The following CACNA2D3 variants were observed in gnomAD, a reference collection of about 807,000 sequenced individuals.
CACNA2D3 encodes the protein calcium voltage-gated channel auxiliary subunit alpha2delta 3.
A neutral mutation model predicts 160.6 loss-of-function variants in CACNA2D3; 60 were observed. The observed-to-expected ratio is 0.37, with a 90% CI of 0.30 to 0.46. The LOEUF is 0.46. Ranked by LOEUF, CACNA2D3 falls within the 20% of genes least tolerant of loss-of-function variation. The probability of loss-of-function intolerance (pLI) is 1.00; values close to 1 mark genes in which losing one functional copy is unlikely to be tolerated. For missense variants in CACNA2D3, 1,205 were observed against 1,365.0 expected, an observed-to-expected ratio of 0.88 and a Z score of 1.85; for synonymous variants, 558 against 492.9, an observed-to-expected ratio of 1.13 and a Z score of -1.75.
At chr3:54,947,131 C>G (rs147053094) in intron 27 of CACNA2D3, among the ~76,000 whole-genome samples, 39 of 152,314 alleles carry the variant, frequency 2.6e-4, no homozygotes, top group Admixed American at 6.5e-4. Flanking sequence ...GTTCCAGACA[C>G]TGTGCTTGAT....
At chr3:55,053,467 C>T (rs1471414902) in intron 35 of CACNA2D3, among the ~76,000 whole-genome samples, 1 of 151,966 alleles carries the variant, frequency 6.6e-6, no homozygotes, top group East Asian at 1.9e-4. Context: ...CCTTTAAATT[C>T]TAACAGCAAT....
At chr3:54,199,955 G>T (rs1265268798) in intron 2 of CACNA2D3, among the ~76,000 whole-genome samples, 1 of 152,218 alleles carries the variant, frequency 6.6e-6, no homozygotes, top group African/African-American at 2.4e-5. Context: ...TTGGAACACA[G>T]CCTCTCATTT....
At chr3:54,783,526 A>C (rs538795344) in intron 13 of CACNA2D3, among the ~76,000 whole-genome samples, 1 of 152,280 alleles carries the variant, frequency 6.6e-6, no homozygotes, top group South Asian at 2.1e-4. Context: ...GAATCACTTG[A>C]ACCCGGGAGG....
At chr3:54,549,305 A>G (rs1053273049) in intron 5 of CACNA2D3, among the ~76,000 whole-genome samples, 2 of 152,064 alleles carry the variant, frequency 1.3e-5, no homozygotes, top group Non-Finnish European at 2.9e-5. Context: ...AATTAGCCGA[A>G]TGTGGTGGCA....
At chr3:54,232,411 C>A (rs779015011) in intron 2 of CACNA2D3, among the ~76,000 whole-genome samples, 1 of 152,092 alleles carries the variant, frequency 6.6e-6, no homozygotes, top group Non-Finnish European at 1.5e-5. Flanking sequence ...CATGTCAATA[C>A]CACTTATTGT....
intron 2 of CACNA2D3, among the ~76,000 whole-genome samples, chr3:54,177,045 G>T (rs1461554544): frequency 6.6e-6 from 1 of 152,218 alleles, no homozygotes; most frequent in African/African-American, 2.4e-5. Context: ...TATCAAATGT[G>T]TGTGAAATGT....
intron 11 of CACNA2D3, among the ~76,000 whole-genome samples, chr3:54,711,342 C>T (rs1044078367): frequency 3.3e-5 from 5 of 152,282 alleles, no homozygotes; most frequent in South Asian, 4.2e-4. Flanking sequence ...ATCTGTCACC[C>T]GGAGACAGAG....
rs148691444 is a variant in CACNA2D3, at chr3:54,376,955, C to T, written c.322-9760C>T. Among the ~76,000 whole-genome samples the T allele has an allele frequency of 9.2e-5, 14 of 152,266 alleles. No homozygotes were observed. The East Asian group carries it at 2.7e-3, about 29-fold the overall frequency. ...CTCTGCATCAAATTTATATAAAAAT[C>T]CATCTTGAGAAGGTAAAGTCTGAAA... On this transcript the variant is annotated intron_variant, in intron 3 of 37. Coordinates refer to ENST00000474759, the MANE Select transcript of CACNA2D3 (RefSeq NM_018398.3).
intron 11 of CACNA2D3, among the ~76,000 whole-genome samples, chr3:54,660,571 C>A (rs970926102): frequency 1.3e-5 from 2 of 152,214 alleles, no homozygotes; most frequent in Admixed American, 6.5e-5. Flanking sequence ...CTGGCCCTTA[C>A]ATTCTCTCTT....
At chr3:54,273,601 G>C (rs749938332) in intron 2 of CACNA2D3, among the ~76,000 whole-genome samples, 1 of 152,184 alleles carries the variant, frequency 6.6e-6, no homozygotes, top group Non-Finnish European at 1.5e-5. Context: ...TGTCTGAAGT[G>C]CAGGCAATTT....
At chr3:54,139,326 G>C (rs1052186852) in intron 2 of CACNA2D3, among the ~76,000 whole-genome samples, 2 of 152,258 alleles carry the variant, frequency 1.3e-5, no homozygotes, top group African/African-American at 4.8e-5. Flanking sequence ...ACGGGCTGCT[G>C]TCCCCACCTC....
At chr3:54,705,384 C>T (rs41381544) in intron 11 of CACNA2D3, among the ~76,000 whole-genome samples, 25,235 of 152,034 alleles carry the variant, frequency 0.17, 2,373 homozygotes, top group Non-Finnish European at 0.21. Flanking sequence ...TTCTAGATTC[C>T]TCACTTGTTG....
chr3:54,293,396 T>C (rs1345397904), intron 2 of CACNA2D3, among the ~76,000 whole-genome samples: 1 of 152,110 alleles, frequency 6.6e-6, no homozygotes, highest in East Asian at 1.9e-4. Flanking sequence ...TATATCATTC[T>C]TATGCCTTTA....
intron 11 of CACNA2D3, among the ~76,000 whole-genome samples, chr3:54,731,673 C>G (rs1207113900): frequency 6.6e-6 from 1 of 151,948 alleles, no homozygotes; most frequent in African/African-American, 2.4e-5. Context: ...CAGAGTAACC[C>G]TCATCTTAAG....
chr3:54,498,744 C>T (rs918338515), intron 4 of CACNA2D3, among the ~76,000 whole-genome samples: 9 of 151,934 alleles, frequency 5.9e-5, no homozygotes, highest in East Asian at 1.9e-4. Context: ...GCTCTGCTTT[C>T]GTTGCATCTC....
Position 54,510,015 on chromosome 3 carries a change from C to T in CACNA2D3, c.544+6361C>T, listed in dbSNP as rs138105979. Among the ~76,000 whole-genome samples, 25 of 152,302 alleles carry T rather than the reference C, an allele frequency of 1.6e-4. No homozygotes were observed. The East Asian group carries it at 4.2e-3, about 26-fold the overall frequency. ...TGTGATTTGGCCCTTTGTGGCTCCTCAGTCCTATGCTTAGGCTTATGTTTA... is the reference window on the plus strand; with the variant it reads ...TGTGATTTGGCCCTTTGTGGCTCCTTAGTCCTATGCTTAGGCTTATGTTTA... On this transcript the variant is annotated intron_variant, in intron 5 of 37. Coordinates refer to ENST00000474759, the MANE Select transcript of CACNA2D3 (RefSeq NM_018398.3).
chr3:54,951,580 C>G (rs1190565276), intron 27 of CACNA2D3, among the ~76,000 whole-genome samples: 1 of 152,216 alleles, frequency 6.6e-6, no homozygotes, highest in African/African-American at 2.4e-5. Flanking sequence ...CGCAGCCCCA[C>G]TGAGAACCAC....
chr3:55,052,812 A>C (rs980922073), intron 35 of CACNA2D3, among the ~76,000 whole-genome samples: 1 of 152,100 alleles, frequency 6.6e-6, no homozygotes, highest in East Asian at 1.9e-4. Flanking sequence ...CTGCAGGTTC[A>C]TTGTGACTAA....
chr3:54,462,974 G>A (rs1700536275), intron 4 of CACNA2D3, among the ~76,000 whole-genome samples: 1 of 149,954 alleles, frequency 6.7e-6, no homozygotes, highest in Non-Finnish European at 1.5e-5. Context: ...AGGCCTGGTG[G>A]TGACAAAATC....
Sources: allele counts gnomAD v4.1 joint callset (sites outside exome capture counted in the v4.1 genomes callset), GRCh38; gene constraint gnomAD v4.1.1; transcripts MANE v1.5; gene names NCBI Gene and HGNC (gene_info 2026-07-23, HGNC 2026-07-21).